The following ARPP19 variants were observed in gnomAD, a reference collection of about 807,000 sequenced individuals.
The protein encoded by ARPP19 is cAMP regulated phosphoprotein 19.
Under a neutral mutation model 12.0 loss-of-function variants are expected in ARPP19, and 8 were observed. The observed-to-expected ratio is 0.67, with a 90% CI of 0.39 to 1.21. The LOEUF (loss-of-function observed/expected upper bound fraction) is 1.21, where lower values mean the gene tolerates loss of function less well. Among genes scored for constraint, ARPP19 ranks in the 50% most tolerant of loss-of-function variants. The pLI is 0.01. For synonymous variants in ARPP19, 47 were observed against 50.4 expected, an observed-to-expected ratio of 0.93 and a Z score of 0.29; for missense variants, 102 against 136.3, an observed-to-expected ratio of 0.75 and a Z score of 1.25.
intron 1 of ARPP19, among the ~76,000 whole-genome samples, chr15:52,558,052 T>C (rs2077997850): frequency 6.6e-6 from 1 of 152,246 alleles, no homozygotes; most frequent in African/African-American, 2.4e-5. Flanking sequence ...CTTCCATCTA[T>C]TCACTTTGAA....
rs992479570 is a variant in ARPP19 at position 52,564,279 on chromosome 15, T to C, written c.45+4569A>G. The C allele has an allele frequency of 2.7e-5, 40 of 1,497,598 alleles. No homozygotes were observed. In the Admixed American group the frequency reaches 4.9e-4, roughly 18 times the overall value. The allele number at this position is 1,497,598 out of a possible 1,614,324, so 92.8% of individuals were successfully genotyped here. On this transcript the variant is annotated intron_variant, in intron 1 of 2. Transcript: ENST00000249822. ...GAAATAGAAAACATGGATGAGGCGG[T>C]TGCTCACACCTGCAGTCCCAGCTAC...
chr15:52,561,934 CT>C (rs11340086), intron 1 of ARPP19, among the ~76,000 whole-genome samples: 21,155 of 126,932 alleles, frequency 0.17, 2,901 homozygotes, highest in African/African-American at 0.45. Context: ...AGTGCACCTA[CT>C]TTTTTTTTTT....
At position 52,550,954 on chromosome 15, in the gene ARPP19, T is replaced by C. The variant is rs1219635148; in HGVS notation, c.*980A>G. On this transcript the variant is annotated 3_prime_UTR_variant, in exon 3 of 3. Transcript: ENST00000249822. ...ACAAAAGATATGCCTAAGCAACATA[T>C]CGTATTTGCACAAGGCCACTGAATG... 2 of 152,644 alleles carry C rather than the reference T, an allele frequency of 1.3e-5. No homozygotes were observed. The highest frequency in any genetic ancestry group is 4.8e-5 in the African/African-American group (2 of 41,412). 9.5% of individuals were successfully genotyped at this position (152,644 alleles called of 1,614,324 possible).
At chr15:52,559,196 G>A (rs139274025) in intron 1 of ARPP19, among the ~76,000 whole-genome samples, 317 of 152,166 alleles carry the variant, frequency 2.1e-3, no homozygotes, top group Non-Finnish European at 3.6e-3. Context: ...TGACATGCAC[G>A]ACATTCAATT....
At position 52,551,866 on chromosome 15, in the gene ARPP19, AAGT is replaced by A; in HGVS notation, c.*65_*67del. The stretch of plus-strand genomic sequence containing the variant: ...TGACTAGTGAATGAAAGGAAATAAA[AAGT>A]AGATAAGTAACATATTAAGGAGAAA... On this transcript the variant is annotated 3_prime_UTR_variant, in exon 3 of 3. Transcript: ENST00000249822. The A allele has an allele frequency of 8.4e-7, 1 of 1,191,052 alleles. No individual in the cohort carries two copies. The highest frequency in any genetic ancestry group is 2.3e-5 in the East Asian group (1 of 42,774). 73.8% of individuals were successfully genotyped at this position (1,191,052 alleles called of 1,614,324 possible).
At chr15:52,565,040 T>TC (rs2078068729) in intron 1 of ARPP19, among the ~76,000 whole-genome samples, 2 of 139,738 alleles carry the variant, frequency 1.4e-5, no homozygotes, top group Admixed American at 7.0e-5. Flanking sequence ...ATTACCATCT[T>TC]TTTTTTTTTT....
At chr15:52,568,786 A>G in intron 1 of ARPP19, 62 bp downstream of exon 1, 1 of 1,273,840 alleles carries the variant, frequency 7.9e-7, no homozygotes, top group Non-Finnish European at 1.1e-6. Context: ...GCCTGGCGGG[A>G]GCAGGCCGCC....
chr15:52,560,429 CAT>C (rs1222549997), intron 1 of ARPP19, among the ~76,000 whole-genome samples: 1 of 152,214 alleles, frequency 6.6e-6, no homozygotes, highest in Admixed American at 6.5e-5. Context: ...GAATTTATAA[CAT>C]GTCTTAGAAA....
At chr15:52,567,608 C>T (rs1180841234) in intron 1 of ARPP19, among the ~76,000 whole-genome samples, 2 of 152,066 alleles carry the variant, frequency 1.3e-5, no homozygotes, top group Admixed American at 6.5e-5. Context: ...TGTATTTTTG[C>T]CCCCAAAATC....
rs182343872 is a variant in ARPP19, at chr15:52,564,486, A to G, written c.45+4362T>C. ...CAAAAGAGCTCCTGAAAATACCAAT[A>G]TGAACTCCTATTTTTAAAATACTGG... On this transcript the variant is annotated intron_variant, in intron 1 of 2. Transcript: ENST00000249822. Among the ~76,000 whole-genome samples, 32 of 152,336 alleles carry G rather than the reference A, an allele frequency of 2.1e-4. No individual in the cohort carries two copies. In the East Asian group the frequency reaches 5.6e-3, roughly 27 times the overall value.
Position 52,568,947 on chromosome 15 carries a change from A to T in ARPP19, c.-55T>A. On this transcript the variant is annotated 5_prime_UTR_variant, in exon 1 of 3. Transcript: ENST00000249822. The stretch of plus-strand genomic sequence containing the variant: ...AAAAGATGCAATTAGCGGGTGGCCG[A>T]GGCCACCCGGCCGCCGCCCGTCCCA... 9 of 738,988 alleles carry T rather than the reference A, an allele frequency of 1.2e-5. No homozygotes were observed. The highest frequency in any genetic ancestry group is 1.5e-5 in the Non-Finnish European group (7 of 474,022). 45.8% of individuals were successfully genotyped at this position (738,988 alleles called of 1,614,324 possible).
At chr15:52,563,907 T>A (rs1277078559) in intron 1 of ARPP19, among the ~76,000 whole-genome samples, 1 of 152,240 alleles carries the variant, frequency 6.6e-6, no homozygotes, top group Admixed American at 6.5e-5. Flanking sequence ...GTTTGCCTAG[T>A]GCCTAGCATT....
intron 1 of ARPP19, among the ~76,000 whole-genome samples, chr15:52,565,042 T>C (rs1813444268): frequency 6.6e-6 from 1 of 150,752 alleles, no homozygotes; most frequent in South Asian, 2.1e-4. Flanking sequence ...TACCATCTTT[T>C]TTTTTTTTTT....
At chr15:52,558,470 G>GA (rs143549178) in intron 1 of ARPP19, among the ~76,000 whole-genome samples, 3,418 of 63,838 alleles carry the variant, frequency 0.054, 144 homozygotes, top group African/African-American at 0.16. Context: ...AAACAAAACA[G>GA]AAAAAAAAAA....
At chr15:52,568,518 C>G in intron 1 of ARPP19, 1 of 295,118 alleles carries the variant, frequency 3.4e-6, no homozygotes, top group Admixed American at 5.3e-5. Context: ...ATAAAACTTC[C>G]TAACCAAATT....
intron 1 of ARPP19, chr15:52,564,278 G>GT (rs2078061588): frequency 1.3e-6 from 2 of 1,500,602 alleles, no homozygotes; most frequent in Non-Finnish European, 1.8e-6. Flanking sequence ...GGATGAGGCG[G>GT]TTGCTCACAC....
At chr15:52,555,187 T>C (rs2077970359) in intron 2 of ARPP19, among the ~76,000 whole-genome samples, 1 of 152,078 alleles carries the variant, frequency 6.6e-6, no homozygotes, top group Non-Finnish European at 1.5e-5. Context: ...CATTCTCAAC[T>C]ATTTATATCT....
At position 52,568,883 on chromosome 15, in the gene ARPP19, C is replaced by G. The variant is rs992744787; in HGVS notation, c.10G>C (p.Glu4Gln). ...TCCGCGGAGGCTGCCTCGGGGACTT[C>G]CGCAGACATAGTGCTCCCTCTGCAG... is the stretch of plus-strand genomic sequence containing the variant. The part of the protein sequence containing the change: MSA[E>Q]VPEAASAEEQ... The change falls in exon 1 of 3, where the codon GAA (glutamate) becomes CAA (glutamine). Residue 4 changes from glutamate (E) to glutamine (Q), a missense_variant. Glu to Gln is a conservative substitution (Grantham distance 29, BLOSUM62 2). Transcript: ENST00000249822. The G allele has an allele frequency of 5.7e-6, 9 of 1,576,292 alleles. No individual in the cohort carries two copies. In the African/African-American group the frequency reaches 8.5e-5, roughly 15 times the overall value.
rs2077921928 is a variant in ARPP19, at chr15:52,550,691, A to G, written c.*1243T>C. On this transcript the variant is annotated 3_prime_UTR_variant, in exon 3 of 3. Coordinates refer to ENST00000249822, the MANE Select transcript of ARPP19 (RefSeq NM_006628.6). ...CCATTATTGTGTTATATAAAAGAGT[A>G]AGGATATAGACACCTATGCTTCCAT... is the stretch of plus-strand genomic sequence containing the variant. The G allele has an allele frequency of 6.6e-6, 1 of 152,480 alleles. No homozygotes were observed. Among genetic ancestry groups the G allele is most frequent in the Admixed American group, 6.5e-5 (1 of 15,280 alleles). 9.4% of individuals were successfully genotyped at this position (152,480 alleles called of 1,614,324 possible). A position where few individuals can be genotyped will look rare whatever the true frequency, so the allele number is the denominator to read the frequency against.
Sources: allele counts gnomAD v4.1 joint callset (sites outside exome capture counted in the v4.1 genomes callset), GRCh38; gene constraint gnomAD v4.1.1; transcripts MANE v1.5; gene names NCBI Gene and HGNC (gene_info 2026-07-23, HGNC 2026-07-21).